PALS1: variants seen among roughly 807,000 people sequenced by gnomAD.
PALS1 encodes the protein protein associated with LIN7 1, MAGUK p55 family member.
Under a neutral mutation model 78.9 loss-of-function variants are expected in PALS1, and 31 were observed. The observed-to-expected ratio is 0.39, with a 90% CI of 0.30 to 0.53. The LOEUF (loss-of-function observed/expected upper bound fraction) is 0.53, where lower values mean the gene tolerates loss of function less well. PALS1 is among the 20% of genes least tolerant of loss of function. The pLI is 0.67. For synonymous variants in PALS1, 276 were observed against 270.9 expected, an observed-to-expected ratio of 1.02 and a Z score of -0.18; for missense variants, 704 against 826.5, an observed-to-expected ratio of 0.85 and a Z score of 1.82.
At chr14:67,242,488 T>C (rs2140386326) in intron 1 of PALS1, among the ~76,000 whole-genome samples, 1 of 152,360 alleles carries the variant, frequency 6.6e-6, no homozygotes, top group South Asian at 2.1e-4. Context: ...GTTTACTAAT[T>C]ATGCTTTTGG....
chr14:67,314,748 T>G (rs758735660), intron 9 of PALS1, among the ~76,000 whole-genome samples: 10 of 152,232 alleles, frequency 6.6e-5, no homozygotes, highest in Non-Finnish European at 1.5e-4. Context: ...AAGATCTGCC[T>G]TAGAGTTTGA....
At chr14:67,301,515 T>C in intron 5 of PALS1, 49 bp downstream of exon 5, 1 of 1,400,600 alleles carries the variant, frequency 7.1e-7, no homozygotes, top group South Asian at 1.3e-5. Context: ...AGCATTCTTC[T>C]ATTTTTTTAA....
At chr14:67,289,548 AATAT>A (rs924387001) in intron 3 of PALS1, among the ~76,000 whole-genome samples, 30 of 152,202 alleles carry the variant, frequency 2.0e-4, no homozygotes, top group African/African-American at 7.2e-4. Context: ...AGGAAGACTA[AATAT>A]ATATATGTTT....
chr14:67,254,951 C>G (rs996752482), intron 1 of PALS1, among the ~76,000 whole-genome samples: 3 of 152,166 alleles, frequency 2.0e-5, no homozygotes, highest in African/African-American at 7.2e-5. Flanking sequence ...GAGATTGAGA[C>G]CATCCTAGCC....
intron 4 of PALS1, among the ~76,000 whole-genome samples, chr14:67,300,336 C>CTTTTTTTTTTT (rs36091817): frequency 1.4e-4 from 19 of 139,094 alleles, no homozygotes; most frequent in Non-Finnish European, 2.3e-4. Flanking sequence ...TATGAATTAC[C>CTTTTTTTTTTT]TTTTTTTTTT....
At chr14:67,327,125 G>C (rs1021827090) in intron 14 of PALS1, among the ~76,000 whole-genome samples, 1 of 151,950 alleles carries the variant, frequency 6.6e-6, no homozygotes. Flanking sequence ...CAGTGAACCG[G>C]GATTGCGCCA....
At chr14:67,295,104 A>AGTGTGTGTGTGTGTGTGTGTGTGT (rs10646700) in intron 4 of PALS1, 2 of 138,010 alleles carry the variant, frequency 1.4e-5, no homozygotes, top group African/African-American at 5.8e-5. Flanking sequence ...GAGATATTGA[A>AGTGTGTGTGTGTGTGTGTGTGTGT]GTGTGTGTGT....
chr14:67,288,453 T>A (rs571021152), intron 3 of PALS1, among the ~76,000 whole-genome samples: 5 of 152,202 alleles, frequency 3.3e-5, no homozygotes, highest in African/African-American at 1.2e-4. Context: ...GCGCTTTGGG[T>A]GGACGAGGCA....
chr14:67,325,174 G>C (rs1443159696), intron 14 of PALS1, among the ~76,000 whole-genome samples: 4 of 152,020 alleles, frequency 2.6e-5, no homozygotes, highest in Non-Finnish European at 4.4e-5. Context: ...CAAAGTGCTG[G>C]GATTACAGGC....
intron 13 of PALS1, among the ~76,000 whole-genome samples, chr14:67,321,641 ATTTTATTTTTCCT>A (rs2085266662): frequency 6.6e-6 from 1 of 152,270 alleles, no homozygotes; most frequent in South Asian, 2.1e-4. Flanking sequence ...CCTGAAGGTA[ATTTTATTTTTCCT>A]GGGGATATTG....
At chr14:67,258,476 C>T (rs1300827369) in intron 1 of PALS1, among the ~76,000 whole-genome samples, 1 of 151,524 alleles carries the variant, frequency 6.6e-6, no homozygotes, top group Non-Finnish European at 1.5e-5. Flanking sequence ...GCTGGAGGGT[C>T]GTGGTGTGAT....
Position 67,243,081 on chromosome 14 carries a change from T to G in PALS1, c.-237+1548T>G, listed in dbSNP as rs1040324850. On this transcript the variant is annotated intron_variant, in intron 1 of 14. Transcript: ENST00000261681. ...CCCATTCCAAGAAATTTGATCAATT[T>G]TATATATTATTTACTGAAATGCCCT... 3.3e-5 allele frequency among the ~76,000 whole-genome samples: 5 copies of G among 152,346 alleles called. No individual in the cohort carries two copies. In the South Asian group the frequency reaches 1.0e-3, roughly 32 times the overall value.
chr14:67,268,446 G>A (rs923236417), intron 1 of PALS1, among the ~76,000 whole-genome samples: 1 of 152,158 alleles, frequency 6.6e-6, no homozygotes, highest in Non-Finnish European at 1.5e-5. Context: ...GACAGTAAAG[G>A]AATGAAAGAA....
chr14:67,293,218 T>G (rs2084800490), intron 4 of PALS1, among the ~76,000 whole-genome samples: 1 of 152,160 alleles, frequency 6.6e-6, no homozygotes, highest in African/African-American at 2.4e-5. Context: ...GTTAACATGA[T>G]GACTTAAATT....
At chr14:67,291,486 T>C (rs1433369003) in intron 3 of PALS1, among the ~76,000 whole-genome samples, 4 of 152,196 alleles carry the variant, frequency 2.6e-5, no homozygotes, top group Admixed American at 2.6e-4. Flanking sequence ...GGTTTTACCA[T>C]CTTGGCCAGG....
chr14:67,276,206 T>G lies in PALS1; in HGVS notation c.-153-2812T>G, dbSNP rs1454896541. On this transcript the variant is annotated intron_variant, in intron 2 of 14. Transcript: ENST00000261681. ...ATTCTTACTATTTTCAGGGTAAAGA[T>G]CTAAAACTCTTCTCAGTGTGGCTTC... is the stretch of plus-strand genomic sequence containing the variant. 2.0e-5 allele frequency among the ~76,000 whole-genome samples: 3 copies of G among 152,110 alleles called. No individual in the cohort carries two copies. In the East Asian group the frequency reaches 5.8e-4, roughly 29 times the overall value.
Position 67,320,271 on chromosome 14 carries a change from C to G in PALS1, c.1411C>G (p.Leu471Val), listed in dbSNP as rs779263500. The G allele has an allele frequency of 1.2e-6, 2 of 1,613,498 alleles. No individual in the cohort carries two copies. Among genetic ancestry groups the G allele is most frequent in the Non-Finnish European group, 8.5e-7 (1 of 1,179,774 alleles). Residue 471 changes from leucine (L) to valine (V), a missense_variant, in exon 12 of 15, where the codon CTT (leucine) becomes GTT (valine). Coordinates refer to ENST00000261681, the MANE Select transcript of PALS1 (RefSeq NM_022474.4). Reference protein sequence around the residue: ...EEILTYEEMSLYHQPANRKRP... With the variant: ...EEILTYEEMSVYHQPANRKRP... ...GATCTTAACCTATGAGGAAATGTCA[C>G]TTTATCATCAGCCAGCAAATAGGAA...
At chr14:67,306,584 GTCT>G (rs1468967166) in intron 8 of PALS1, among the ~76,000 whole-genome samples, 4 of 151,308 alleles carry the variant, frequency 2.6e-5, no homozygotes, top group Middle Eastern at 3.2e-3. Flanking sequence ...GGCCAGGCTG[GTCT>G]TGAACTCCTG....
intron 1 of PALS1, among the ~76,000 whole-genome samples, chr14:67,267,173 A>G (rs777017109): frequency 1.3e-5 from 2 of 152,192 alleles, no homozygotes; most frequent in East Asian, 1.9e-4. Flanking sequence ...ATGCAACAAG[A>G]TGTCATTTTA....
Sources: allele counts gnomAD v4.1 joint callset (sites outside exome capture counted in the v4.1 genomes callset), GRCh38; gene constraint gnomAD v4.1.1; transcripts MANE v1.5; gene names NCBI Gene and HGNC (gene_info 2026-07-23, HGNC 2026-07-21).